Variants in CHLSN observed in about 807,000 individuals in gnomAD.
The protein encoded by CHLSN is cholesin.
the CHLSN span, chr7:1,028,224 AG>A: frequency 9.3e-7 from 1 of 1,075,570 alleles, no homozygotes; most frequent in Non-Finnish European, 1.1e-6. Flanking sequence ...CCCTCCCTGC[AG>A]CCCGAATGCG....
the CHLSN span, chr7:1,091,733 A>T: frequency 9.9e-5 from 151 of 1,527,214 alleles, no homozygotes; most frequent in Non-Finnish European, 1.2e-4. Flanking sequence ...AGAGACATGG[A>T]TGTGACTTCC....
At chr7:1,089,468 G>A in the CHLSN span, among the ~76,000 whole-genome samples, 2 of 19,560 alleles carry the variant, frequency 1.0e-4, no homozygotes, top group Non-Finnish European at 2.0e-4. Context: ...GCTGAGGCTC[G>A]AGTGCAGTGG....
At chr7:1,092,248 G>A in the CHLSN span, 108 of 1,612,168 alleles carry the variant, frequency 6.7e-5, no homozygotes, top group Non-Finnish European at 8.1e-5. Context: ...CAAGCACCAC[G>A]CCCGGCTGAG....
At chr7:993,210 G>A in the CHLSN span, among the ~76,000 whole-genome samples, 164 of 152,334 alleles carry the variant, frequency 1.1e-3, 2 homozygotes, top group African/African-American at 3.8e-3. Flanking sequence ...GACAGGGCAG[G>A]GGGACGGCAG....
chr7:1,077,489 G>T, the CHLSN span, among the ~76,000 whole-genome samples: 1 of 151,992 alleles, frequency 6.6e-6, no homozygotes, highest in African/African-American at 2.4e-5. Flanking sequence ...GGTCCTCCCA[G>T]AGTGCTGGGA....
chr7:1,109,336 A>G, the CHLSN span: 2 of 152,186 alleles, frequency 1.3e-5, no homozygotes, highest in African/African-American at 4.8e-5. Context: ...ACCTTAATCC[A>G]ATAAAAGAAT....
At chr7:1,101,892 T>C in the CHLSN span, among the ~76,000 whole-genome samples, 101,138 of 152,224 alleles carry the variant, frequency 0.66, 34,503 homozygotes, top group African/African-American at 0.81. Flanking sequence ...TCCTGAGTCT[T>C]GGCTCGCTGG....
chr7:1,081,516 G>A, the CHLSN span, among the ~76,000 whole-genome samples: 3 of 152,344 alleles, frequency 2.0e-5, no homozygotes. Context: ...GGGGCAGCCT[G>A]GACTGGAGCC....
chr7:1,083,867 G>T, the CHLSN span, among the ~76,000 whole-genome samples: 2 of 152,206 alleles, frequency 1.3e-5, no homozygotes, highest in Non-Finnish European at 2.9e-5. Flanking sequence ...TCACCGCACT[G>T]TTTCCGGGCT....
At chr7:985,920 G>A in the CHLSN span, among the ~76,000 whole-genome samples, 1 of 152,088 alleles carries the variant, frequency 6.6e-6, no homozygotes, top group Non-Finnish European at 1.5e-5. Context: ...AGTGAGCAGC[G>A]GTGGGTTCAC....
the CHLSN span, among the ~76,000 whole-genome samples, chr7:1,019,516 C>T: frequency 6.6e-6 from 1 of 152,248 alleles, no homozygotes; most frequent in Non-Finnish European, 1.5e-5. Context: ...GAGCGGGGTC[C>T]TCACTGCAGC....
the CHLSN span, among the ~76,000 whole-genome samples, chr7:1,033,217 A>G: frequency 1.3e-5 from 2 of 152,236 alleles, no homozygotes; most frequent in South Asian, 2.1e-4. Flanking sequence ...CACACCATGC[A>G]TGACAAGTGG....
chr7:1,025,739 C>T, the CHLSN span: 3 of 152,242 alleles, frequency 2.0e-5, no homozygotes, highest in African/African-American at 7.2e-5. Context: ...GAGCTGAGGG[C>T]TGGCGTTTCT....
At chr7:1,053,646 G>T in the CHLSN span, among the ~76,000 whole-genome samples, 1 of 152,172 alleles carries the variant, frequency 6.6e-6, no homozygotes, top group African/African-American at 2.4e-5. Context: ...TGGCCAACAT[G>T]GAGAAACCTT....
chr7:1,092,633 AC>A, the CHLSN span: 7 of 1,611,358 alleles, frequency 4.3e-6, no homozygotes, highest in East Asian at 2.2e-5. Flanking sequence ...CGCCATGCCC[AC>A]CCCCTCACGG....
At chr7:1,117,866 G>T in the CHLSN span, among the ~76,000 whole-genome samples, 37,505 of 152,084 alleles carry the variant, frequency 0.25, 5,012 homozygotes, top group African/African-American at 0.32. Flanking sequence ...TAGAGACCAG[G>T]TCTTGCTACA....
chr7:983,223 G>C, the CHLSN span: 1 of 1,521,886 alleles, frequency 6.6e-7, no homozygotes, highest in Non-Finnish European at 8.9e-7. Context: ...TGGCCCTGCT[G>C]CTCTTGCTGT....
At chr7:1,070,401 A>G in the CHLSN span, among the ~76,000 whole-genome samples, 1 of 140,782 alleles carries the variant, frequency 7.1e-6, no homozygotes, top group Non-Finnish European at 1.6e-5. Context: ...CCGGGAGGTG[A>G]GGGGCGCCTC....
chr7:1,101,833 C>T, the CHLSN span, among the ~76,000 whole-genome samples: 131 of 152,382 alleles, frequency 8.6e-4, no homozygotes, highest in African/African-American at 3.1e-3. Flanking sequence ...AGGTGCGCGT[C>T]GCGGACACAG....
Sources: gnomAD v4.1 joint callset for allele counts (sites outside exome capture counted in the v4.1 genomes callset) on GRCh38, gnomAD v4.1.1 for gene constraint, MANE v1.5 for transcripts, NCBI Gene and HGNC (gene_info 2026-07-23, HGNC 2026-07-21) for gene names.